The following ARHGEF37 variants were observed in gnomAD, a reference collection of about 807,000 sequenced individuals.
The protein encoded by ARHGEF37 is Rho guanine nucleotide exchange factor 37, also known as Rho guanine nucleotide exchange factor (GEF) 37.
Under a neutral mutation model 71.1 loss-of-function variants are expected in ARHGEF37, and 55 were observed. The ratio of observed to expected loss-of-function variants is 0.77; its 90% CI spans 0.62 to 0.97. ARHGEF37 has a LOEUF of 0.97. ARHGEF37 is among the 50% of genes least tolerant of loss of function. The probability of loss-of-function intolerance (pLI) is 0.00; values close to 1 mark genes in which losing one functional copy is unlikely to be tolerated. For synonymous variants in ARHGEF37, 327 were observed against 350.6 expected, an observed-to-expected ratio of 0.93 and a Z score of 0.75; for missense variants, 765 against 836.8, an observed-to-expected ratio of 0.91 and a Z score of 1.06.
At chr5:149,591,226 C>CAA (rs113486514) in intron 1 of ARHGEF37, among the ~76,000 whole-genome samples, 23 of 143,234 alleles carry the variant, frequency 1.6e-4, no homozygotes, top group South Asian at 4.4e-4. Context: ...TGTTCCATCT[C>CAA]AAAAAAAAAA....
chr5:149,629,156 C>T (rs1055708831), intron 12 of ARHGEF37, among the ~76,000 whole-genome samples, 190 bp downstream of exon 12: 1 of 152,212 alleles, frequency 6.6e-6, no homozygotes, highest in Non-Finnish European at 1.5e-5. Flanking sequence ...GGGCCTCCCA[C>T]CCCTACCACA....
intron 4 of ARHGEF37, 53 bp from the exon 5 acceptor site, chr5:149,616,514 C>G: frequency 6.5e-7 from 1 of 1,533,626 alleles, no homozygotes; most frequent in East Asian, 2.3e-5. Flanking sequence ...CCCAGGCCCC[C>G]TGGTCCTCCA....
intron 4 of ARHGEF37, among the ~76,000 whole-genome samples, chr5:149,613,764 CTTTTT>C (rs5872138): frequency 7.5e-6 from 1 of 133,262 alleles, no homozygotes; most frequent in Non-Finnish European, 1.6e-5. Context: ...ACAGTGTTTT[CTTTTT>C]TTTTTTTTTT....
upstream of ARHGEF37, among the ~76,000 whole-genome samples, chr5:149,576,574 C>A (rs916159293): frequency 5.3e-5 from 8 of 152,210 alleles, no homozygotes; most frequent in Non-Finnish European, 1.0e-4. Flanking sequence ...CGTTTAGCCA[C>A]CATAACATAA....
chr5:149,617,704 T>C (rs1398282110), intron 5 of ARHGEF37, among the ~76,000 whole-genome samples: 4 of 152,188 alleles, frequency 2.6e-5, no homozygotes, highest in Non-Finnish European at 5.9e-5. Flanking sequence ...ATACTATATT[T>C]AGCAGCTTTG....
chr5:149,618,101 G>A (rs1469826974), intron 5 of ARHGEF37, 75 bp from the exon 6 acceptor site: 1 of 1,586,636 alleles, frequency 6.3e-7, no homozygotes, highest in African/African-American at 1.3e-5. Context: ...CAGGTGCCCA[G>A]CCGGGCATGT....
intron 1 of ARHGEF37, among the ~76,000 whole-genome samples, chr5:149,596,004 C>T (rs1763535234): frequency 6.6e-6 from 1 of 151,484 alleles, no homozygotes; most frequent in African/African-American, 2.4e-5. Context: ...TGGGGGGGTC[C>T]CAGTTCTGTG....
intron 7 of ARHGEF37, among the ~76,000 whole-genome samples, chr5:149,619,542 CT>C (rs1003594630): frequency 1.5e-4 from 23 of 152,122 alleles, no homozygotes; most frequent in African/African-American, 5.1e-4. Flanking sequence ...TTCCTCAGCT[CT>C]GGGGGGTTGT....
intron 4 of ARHGEF37, among the ~76,000 whole-genome samples, chr5:149,616,058 A>G (rs1752365407): frequency 6.6e-6 from 1 of 152,164 alleles, no homozygotes; most frequent in African/African-American, 2.4e-5. Flanking sequence ...GAGCTCTGGA[A>G]CAGAAGTTGG....
chr5:149,630,056 C>A (rs1337600380), intron 12 of ARHGEF37, among the ~76,000 whole-genome samples: 4 of 152,010 alleles, frequency 2.6e-5, no homozygotes, highest in African/African-American at 7.3e-5. Context: ...GGACTGCTAA[C>A]TGGTGTGAAG....
chr5:149,604,198 T>C (rs1763840668), intron 3 of ARHGEF37, among the ~76,000 whole-genome samples: 1 of 152,182 alleles, frequency 6.6e-6, no homozygotes, highest in South Asian at 2.1e-4. Context: ...AAAATGTTAC[T>C]TCGTCTCCTG....
chr5:149,599,517 T>A (rs751383270), intron 2 of ARHGEF37, among the ~76,000 whole-genome samples: 3 of 151,460 alleles, frequency 2.0e-5, no homozygotes, highest in Non-Finnish European at 4.4e-5. Context: ...GCTCAAGTGA[T>A]CCTCCCATCT....
intron 1 of ARHGEF37, among the ~76,000 whole-genome samples, chr5:149,571,654 T>C (rs1348765517): frequency 6.6e-6 from 1 of 152,088 alleles, no homozygotes; most frequent in Non-Finnish European, 1.5e-5. Flanking sequence ...GGCACAGTGG[T>C]GCATGCCTGT....
chr5:149,615,663 G>C (rs1015354058), intron 4 of ARHGEF37, among the ~76,000 whole-genome samples: 2 of 151,828 alleles, frequency 1.3e-5, no homozygotes, highest in Admixed American at 1.3e-4. Flanking sequence ...AGGCCGAGGC[G>C]GGCAAATCAC....
At chr5:149,613,755 C>T (rs1755994984) in intron 4 of ARHGEF37, among the ~76,000 whole-genome samples, 1 of 148,006 alleles carries the variant, frequency 6.8e-6, no homozygotes, top group African/African-American at 2.5e-5. Context: ...GATATTTCTA[C>T]AGTGTTTTCT....
chr5:149,561,106 C>G (rs1181643205), intron 1 of ARHGEF37, among the ~76,000 whole-genome samples: 1 of 151,982 alleles, frequency 6.6e-6, no homozygotes, highest in South Asian at 2.1e-4. Flanking sequence ...AACCCCTTCT[C>G]TACTAAAAAT....
chr5:149,576,999 T>G (rs1763035359), upstream of ARHGEF37, among the ~76,000 whole-genome samples: 1 of 152,140 alleles, frequency 6.6e-6, no homozygotes, highest in Non-Finnish European at 1.5e-5. Flanking sequence ...GAAATAATTC[T>G]CAAAACTTAC....
chr5:149,626,135 G>A (rs759743566), intron 10 of ARHGEF37, among the ~76,000 whole-genome samples: 14 of 152,088 alleles, frequency 9.2e-5, no homozygotes, highest in Non-Finnish European at 1.8e-4. Flanking sequence ...CCCCTTTGGG[G>A]CAAGGATGTG....
chr5:149,620,501 G>C (rs868855771), intron 8 of ARHGEF37, 37 bp downstream of exon 8: 1 of 1,496,172 alleles, frequency 6.7e-7, no homozygotes, highest in Non-Finnish European at 9.2e-7. Flanking sequence ...TCTTTGTTAG[G>C]CAGGTGGTAG....
Sources: allele counts gnomAD v4.1 joint callset (sites outside exome capture counted in the v4.1 genomes callset), GRCh38; gene constraint gnomAD v4.1.1; transcripts MANE v1.5; gene names NCBI Gene and HGNC (gene_info 2026-07-23, HGNC 2026-07-21).